ADH1C: variants seen among roughly 807,000 people sequenced by gnomAD.
The protein encoded by ADH1C is alcohol dehydrogenase 1C (class I), gamma polypeptide.
A neutral mutation model predicts 35.0 loss-of-function variants in ADH1C; 26 were observed. The observed-to-expected ratio is 0.74, with a 90% CI of 0.54 to 1.03. The LOEUF is 1.03. ADH1C is among the 50% of genes least tolerant of loss of function. The pLI is 0.00. For synonymous variants in ADH1C, 170 were observed against 169.3 expected (o/e 1.00, Z -0.03); for missense variants, 413 against 465.4 (o/e 0.89, Z 1.04).
At chr4:99,341,340 G>A (rs1734410988) in intron 6 of ADH1C, among the ~76,000 whole-genome samples, 1 of 152,178 alleles carries the variant, frequency 6.6e-6, no homozygotes, top group South Asian at 2.1e-4. Flanking sequence ...ATGTTCTGTA[G>A]TTAGAAAATG....
At position 99,336,816 on chromosome 4, in the gene ADH1C, C is replaced by A. The variant is rs55808188; in HGVS notation, c.1104-40G>T. 15 of 1,612,744 alleles carry A rather than the reference C, an allele frequency of 9.3e-6. No homozygotes were observed. In the East Asian group the frequency reaches 3.1e-4, roughly 34 times the overall value. On this transcript the variant is annotated intron_variant, in intron 8 of 8. Coordinates refer to ENST00000515683, the MANE Select transcript of ADH1C (RefSeq NM_000669.5). ...AAGAGACATTGTGTTAACATTTAGA[C>A]AACCCACATGCTTCCATGTGATAGT...
At chr4:99,349,764 A>C (rs1734631784) in intron 1 of ADH1C, among the ~76,000 whole-genome samples, 1 of 152,052 alleles carries the variant, frequency 6.6e-6, no homozygotes, top group African/African-American at 2.4e-5. Context: ...ATTTGAGCCC[A>C]AAATTACAGA....
At chr4:99,336,856 A>G in intron 8 of ADH1C, 80 bp from the exon 9 acceptor site, 3 of 1,585,420 alleles carry the variant, frequency 1.9e-6, no homozygotes, top group Non-Finnish European at 2.6e-6. Flanking sequence ...GGAGTATTTG[A>G]GGTGACTTAG....
chr4:99,348,786 C>T (rs1454247494), intron 1 of ADH1C, among the ~76,000 whole-genome samples: 2 of 152,074 alleles, frequency 1.3e-5, no homozygotes, highest in South Asian at 2.1e-4. Context: ...TCTCCAGCAC[C>T]TGTTGTTTCC....
intron 6 of ADH1C, among the ~76,000 whole-genome samples, chr4:99,341,280 G>A (rs1734409243): frequency 2.0e-5 from 3 of 152,046 alleles, no homozygotes; most frequent in Non-Finnish European, 4.4e-5. Flanking sequence ...TGATTATTTG[G>A]GAACCTCAAA....
chr4:99,344,911 A>G lies in ADH1C; in HGVS notation c.518T>C (p.Ile173Thr), dbSNP rs113554896. The G allele has an allele frequency of 1.9e-6, 3 of 1,614,102 alleles. No homozygotes were observed. In the African/African-American group the frequency reaches 4.0e-5, roughly 22 times the overall value. The change falls in exon 5 of 9, where the codon ATT (isoleucine) becomes ACT (threonine). Residue 173 changes from isoleucine (I) to threonine (T), a missense_variant. By Grantham distance (89) the Ile-to-Thr change is moderately conservative (BLOSUM62 -1). Coordinates refer to ENST00000515683, the MANE Select transcript of ADH1C (RefSeq NM_000669.5). ...ATAACCAGTCGAAAATCCACAGCCA[A>G]TGAGGCAGACTTTCTCCAGGGGCGA... ...AASPLEKVCLIGCGFSTGYGS... is the reference protein window; with the variant it reads ...AASPLEKVCLTGCGFSTGYGS...
intron 8 of ADH1C, among the ~76,000 whole-genome samples, chr4:99,337,068 G>C (rs200798677): frequency 6.6e-6 from 1 of 152,112 alleles, no homozygotes; most frequent in African/African-American, 2.4e-5. Context: ...GCGTGCCCAA[G>C]TTCCTGGTAT....
Position 99,342,964 on chromosome 4 carries a change from A to T in ADH1C, c.659T>A (p.Ile220Asn). ...GTCCTTGTTGATGTCCACAGCAATGATTCTGGCTGCTCCAGCTGCTTTACA... is the reference window on the plus strand; with the variant it reads ...GTCCTTGTTGATGTCCACAGCAATGTTTCTGGCTGCTCCAGCTGCTTTACA... ...MGCKAAGAAR[I>N]IAVDINKDKF... is the part of the protein sequence containing the mutation. Residue 220 changes from isoleucine (I) to asparagine (N), a missense_variant, in exon 6 of 9, where the codon ATC (isoleucine) becomes AAC (asparagine). Ile to Asn is a moderately radical substitution (Grantham distance 149, BLOSUM62 -3). Transcript: ENST00000515683. 1.2e-6 allele frequency: 2 copies of T among 1,614,224 alleles called. No homozygotes were observed. Among genetic ancestry groups the T allele is most frequent in the Non-Finnish European group, 1.7e-6 (2 of 1,180,048 alleles).
At chr4:99,343,988 G>A (rs962832431) in intron 5 of ADH1C, among the ~76,000 whole-genome samples, 10 of 152,104 alleles carry the variant, frequency 6.6e-5, no homozygotes, top group Admixed American at 6.6e-4. Context: ...TACTATGGGG[G>A]ACAACACCAC....
Position 99,338,393 on chromosome 4 carries a change from TTCTATATATATA to T in ADH1C, c.1103+1172_1103+1183del, listed in dbSNP as rs61671413. 1.4e-4 allele frequency among the ~76,000 whole-genome samples: 10 copies of T among 73,090 alleles called. 2 individuals carry two copies. Among genetic ancestry groups the T allele is most frequent in the African/African-American group, 3.3e-4 (6 of 18,308 alleles). The allele number at this position is 73,090 out of a possible 152,430, so 47.9% of individuals were successfully genotyped here. A position where few individuals can be genotyped will look rare whatever the true frequency, so the allele number is the denominator to read the frequency against. On this transcript the variant is annotated intron_variant, in intron 8 of 8. Coordinates refer to ENST00000515683, the MANE Select transcript of ADH1C (RefSeq NM_000669.5). Reference sequence around the variant, plus strand: ...TAATTAACCTTTGATGAATACTGTTTTCTATATATATATATATATATATATATATATATATAT... The same window carrying T: ...TAATTAACCTTTGATGAATACTGTTTTATATATATATATATATATATATAT...
At chr4:99,338,420 T>C (rs1427278340) in intron 8 of ADH1C, among the ~76,000 whole-genome samples, 1 of 69,350 alleles carries the variant, frequency 1.4e-5, no homozygotes, top group Non-Finnish European at 2.8e-5. Context: ...TATATATATA[T>C]ATATATATAT....
chr4:99,349,104 T>C (rs1734612246), intron 1 of ADH1C, among the ~76,000 whole-genome samples: 1 of 141,622 alleles, frequency 7.1e-6, no homozygotes, highest in Non-Finnish European at 1.5e-5. Context: ...GGTAGTTTCT[T>C]TTGCTGTGCA....
intron 5 of ADH1C, among the ~76,000 whole-genome samples, chr4:99,343,884 T>C (rs1424686146): frequency 6.6e-6 from 1 of 152,218 alleles, no homozygotes; most frequent in Non-Finnish European, 1.5e-5. Context: ...AGCCTTCGTT[T>C]TGGGTAACAT....
In ADH1C at chr4:99,347,755, A is replaced by T; in HGVS notation, c.110T>A (p.Val37Asp). 6.2e-7 allele frequency: 1 copy of T among 1,607,332 alleles called. No individual in the cohort carries two copies. Among genetic ancestry groups the T allele is most frequent in the East Asian group, 2.2e-5 (1 of 44,812 alleles). Residue 37 changes from valine (V) to aspartate (D), a missense_variant, in exon 2 of 9, where the codon GTT becomes GAT. By Grantham distance (152) the Val-to-Asp change is radical. Transcript: ENST00000515683. ...GAAAAAGTATTTCACCTTAATGCGA[A>T]CTTCATGAGCCTTAGGAGGTGCAAC... is the stretch of plus-strand genomic sequence containing the variant. ...VEVAPPKAHE[V>D]RIKMVAAGIC...
chr4:99,347,645 A>G, intron 2 of ADH1C, 100 bp downstream of exon 2: 1 of 1,176,966 alleles, frequency 8.5e-7, no homozygotes, highest in East Asian at 2.6e-5. Flanking sequence ...CTGGATAATT[A>G]TATAAAAAAT....
intron 8 of ADH1C, 120 bp downstream of exon 8, chr4:99,339,457 C>G (rs1226678878): frequency 2.1e-6 from 2 of 941,774 alleles, no homozygotes; most frequent in Non-Finnish European, 3.1e-6. Flanking sequence ...AATGGAAAAC[C>G]AAGGCACTGT....
chr4:99,342,539 T>A (rs903080939), intron 6 of ADH1C, among the ~76,000 whole-genome samples: 7 of 152,204 alleles, frequency 4.6e-5, no homozygotes, highest in Admixed American at 1.3e-4. Flanking sequence ...ATAAAGCATA[T>A]TTGTAGTGGC....
intron 1 of ADH1C, among the ~76,000 whole-genome samples, chr4:99,350,149 A>G (rs1629270): frequency 0.31 from 47,500 of 152,146 alleles, 8,856 homozygotes; most frequent in Non-Finnish European, 0.41. Context: ...AATAAATATC[A>G]GAATACTTGG....
At chr4:99,344,357 C>T (rs148276164) in intron 5 of ADH1C, among the ~76,000 whole-genome samples, 6,060 of 152,156 alleles carry the variant, frequency 0.04, 150 homozygotes, top group Non-Finnish European at 0.059. Flanking sequence ...TATTACTTTC[C>T]GTCTAAGAAT....
Sources: gnomAD v4.1 joint callset for allele counts (sites outside exome capture counted in the v4.1 genomes callset) on GRCh38, gnomAD v4.1.1 for gene constraint, MANE v1.5 for transcripts, NCBI Gene and HGNC (gene_info 2026-07-23, HGNC 2026-07-21) for gene names.